EVL: variants seen among roughly 807,000 people sequenced by gnomAD.
The protein encoded by EVL is ena/VASP-like protein.
In EVL, 21 loss-of-function variants were observed where a neutral mutation model predicts 59.6. The ratio of observed to expected loss-of-function variants is 0.35; its 90% CI spans 0.25 to 0.51. The LOEUF (loss-of-function observed/expected upper bound fraction) is 0.51. Among genes scored for constraint, EVL ranks in the 20% least tolerant of loss-of-function variants. The pLI is 0.97. For missense variants in EVL, 462 were observed against 546.6 expected, an observed-to-expected ratio of 0.85 and a Z score of 1.54; for synonymous variants, 198 against 203.5, an observed-to-expected ratio of 0.97 and a Z score of 0.23.
Position 100,127,382 on chromosome 14 carries a change from A to C in EVL, c.487+611A>C, listed in dbSNP as rs1888141369. On this transcript the variant is annotated intron_variant, in intron 5 of 13. Transcript: ENST00000392920. The surrounding 1 kb of genome is among the most constrained non-coding windows in gnomAD (Gnocchi z 4.2). ...TTTAATTTTCTCAAACACCCTATGAAGTGAGCAGGTGACTATTATCCTGTT... is the reference window on the plus strand; with the variant it reads ...TTTAATTTTCTCAAACACCCTATGACGTGAGCAGGTGACTATTATCCTGTT... Among the ~76,000 whole-genome samples the C allele has an allele frequency of 6.6e-6, 1 of 152,188 alleles. No individual in the cohort carries two copies.
At position 100,130,234 on chromosome 14, in the gene EVL, G is replaced by T. The variant is rs756867302; in HGVS notation, c.839+550G>T. Among the ~76,000 whole-genome samples, 1 of 152,116 alleles carries T rather than the reference G, an allele frequency of 6.6e-6. No individual in the cohort carries two copies. Among genetic ancestry groups the T allele is most frequent in the Non-Finnish European group, 1.5e-5 (1 of 68,042 alleles). On this transcript the variant is annotated intron_variant, in intron 7 of 13. Coordinates refer to ENST00000392920, the MANE Select transcript of EVL (RefSeq NM_016337.3). This position sits in a 1 kb window ranked among gnomAD's most constrained non-coding sequence, Gnocchi z 4.8. ...GCTCTTGGGCCTGAGACCTGGCCAT[G>T]TGTGTCTGCTCGCTGCAGCGGGTGT...
chr14:99,988,844 A>G (rs567176794), intron 1 of EVL, among the ~76,000 whole-genome samples: 2 of 152,328 alleles, frequency 1.3e-5, no homozygotes, highest in African/African-American at 4.8e-5. Context: ...CATTTACATG[A>G]AATGTCCAGA....
At chr14:100,120,482 G>T (rs570144334) in intron 3 of EVL, among the ~76,000 whole-genome samples, 2 of 152,324 alleles carry the variant, frequency 1.3e-5, no homozygotes, top group Admixed American at 6.5e-5. Context: ...TAAGAGAGGC[G>T]CATGGGCACC....
Position 100,105,869 on chromosome 14 carries a change from C to T in EVL, c.358+8211C>T, listed in dbSNP as rs563558383. 4.6e-5 allele frequency among the ~76,000 whole-genome samples: 7 copies of T among 152,302 alleles called. No individual in the cohort carries two copies. The East Asian group carries it at 1.2e-3, about 25-fold the overall frequency. On this transcript the variant is annotated intron_variant, in intron 3 of 13. Coordinates refer to ENST00000392920, the MANE Select transcript of EVL (RefSeq NM_016337.3). Reference sequence around the variant, plus strand: ...CCAACTGAATAGGGAACATGCCTCCCCTGCCACAGTGTCTGAAACTCTGCA... The same window carrying T: ...CCAACTGAATAGGGAACATGCCTCCTCTGCCACAGTGTCTGAAACTCTGCA...
In EVL at chr14:100,082,078, C is replaced by T. The variant is rs566641160; in HGVS notation, c.12-2609C>T. On this transcript the variant is annotated intron_variant, in intron 1 of 13. Transcript: ENST00000392920. ...GGCGGAGGTTGCAGTGAGCCAAGAT[C>T]GCGCCACTGAGCTCCAGCCTGGGCA... Among the ~76,000 whole-genome samples, 3 of 152,218 alleles carry T rather than the reference C, an allele frequency of 2.0e-5. No homozygotes were observed. The South Asian group carries it at 6.2e-4, about 32-fold the overall frequency.
chr14:100,108,929 A>G lies in EVL; in HGVS notation c.358+11271A>G, dbSNP rs1396313651. 2.6e-5 allele frequency among the ~76,000 whole-genome samples: 4 copies of G among 152,106 alleles called. No individual in the cohort carries two copies. The East Asian group carries it at 5.8e-4, about 22-fold the overall frequency. On this transcript the variant is annotated intron_variant, in intron 3 of 13. Coordinates refer to ENST00000392920, the MANE Select transcript of EVL (RefSeq NM_016337.3). The surrounding 1 kb of genome is among the most constrained non-coding windows in gnomAD (Gnocchi z 4.1). ...GTCTCTGGACCCCAAAAACCCACAC[A>G]TCGTCTGCCTTATAAGCTCTCAGTA...
rs781322847 is a variant in EVL at position 100,137,895 on chromosome 14, G to C, written c.1094+93G>C. On this transcript the variant is annotated intron_variant, in intron 11 of 13. Coordinates refer to ENST00000392920, the MANE Select transcript of EVL (RefSeq NM_016337.3). ...CTAACACCCTTGCACGCTGTCTCAC[G>C]TCCTGGCATTTAACAACTTGCTCTG... The C allele has an allele frequency of 2.3e-6, 3 of 1,290,634 alleles. No homozygotes were observed. The African/African-American group carries it at 4.4e-5, about 19-fold the overall frequency. 79.9% of individuals were successfully genotyped at this position (1,290,634 alleles called of 1,614,324 possible).
rs200422329 is a variant in EVL at position 100,138,043 on chromosome 14, CA to C, written c.1094+242del. The stretch of plus-strand genomic sequence containing the variant: ...CAGTGACCTGTCCACAGAGGTAGTG[CA>C]GGGGGGGGCCAACATGGAGTCCCAG... On this transcript the variant is annotated intron_variant, in intron 11 of 13. Coordinates refer to ENST00000392920, the MANE Select transcript of EVL (RefSeq NM_016337.3). The C allele has an allele frequency of 2.6e-3, 1,523 of 577,272 alleles. 6 individuals are homozygous for C. Among genetic ancestry groups the C allele is most frequent in the Non-Finnish European group, 3.8e-3 (1,252 of 325,328 alleles). 35.8% of individuals were successfully genotyped at this position (577,272 alleles called of 1,614,324 possible).
chr14:100,048,086 G>A (rs950710737), intron 1 of EVL, among the ~76,000 whole-genome samples: 4 of 152,080 alleles, frequency 2.6e-5, no homozygotes, highest in Admixed American at 6.5e-5. Context: ...ACATGACAGC[G>A]AAAGCACCAT....
At chr14:100,005,917 G>T (rs1001797377) in intron 1 of EVL, among the ~76,000 whole-genome samples, 1 of 151,770 alleles carries the variant, frequency 6.6e-6, no homozygotes, top group Non-Finnish European at 1.5e-5. Flanking sequence ...TTTTGGTTTG[G>T]CATGGCTAGC....
chr14:99,973,588 G>C (rs56269320), intron 1 of EVL, among the ~76,000 whole-genome samples: 1 of 152,060 alleles, frequency 6.6e-6, no homozygotes, highest in African/African-American at 2.4e-5. Context: ...TCAGCTTCCC[G>C]AGTAGCTGGG....
chr14:100,089,093 C>T (rs774141146), intron 2 of EVL, among the ~76,000 whole-genome samples: 4 of 152,138 alleles, frequency 2.6e-5, no homozygotes, highest in Non-Finnish European at 4.4e-5. Flanking sequence ...AAAAAGAAGT[C>T]ATAGCATCCC....
upstream of EVL, among the ~76,000 whole-genome samples, chr14:100,062,485 A>G (rs1270367437): frequency 6.6e-6 from 1 of 152,168 alleles, no homozygotes; most frequent in Non-Finnish European, 1.5e-5. Context: ...TGGAATTCTG[A>G]AAAGTATTTA....
At chr14:100,009,797 C>G (rs569936135) in intron 1 of EVL, among the ~76,000 whole-genome samples, 229 of 152,266 alleles carry the variant, frequency 1.5e-3, no homozygotes, top group Middle Eastern at 6.8e-3. Flanking sequence ...AGACATCAAT[C>G]AAATACATTT....
intron 1 of EVL, among the ~76,000 whole-genome samples, chr14:100,080,956 T>G (rs1392881671): frequency 6.6e-6 from 1 of 152,218 alleles, no homozygotes; most frequent in East Asian, 1.9e-4. Context: ...AATAAATAAT[T>G]TAAGAAAATA....
chr14:99,988,123 T>G (rs2060851329), intron 1 of EVL, among the ~76,000 whole-genome samples: 1 of 151,614 alleles, frequency 6.6e-6, no homozygotes. Flanking sequence ...TCCATGTTGG[T>G]CAGGCTAGTC....
At chr14:100,005,671 C>A (rs957412718) in intron 1 of EVL, among the ~76,000 whole-genome samples, 4 of 140,232 alleles carry the variant, frequency 2.9e-5, no homozygotes, top group African/African-American at 5.3e-5. Flanking sequence ...ACACACACAC[C>A]CCTTGGATGT....
chr14:100,102,849 C>G (rs1312169424), intron 3 of EVL, among the ~76,000 whole-genome samples: 2 of 152,128 alleles, frequency 1.3e-5, no homozygotes, highest in African/African-American at 4.8e-5. Flanking sequence ...TGTAATCCCA[C>G]CACTTTGTGA....
intron 1 of EVL, among the ~76,000 whole-genome samples, chr14:100,002,610 C>T (rs934549175): frequency 2.0e-5 from 3 of 152,076 alleles, no homozygotes; most frequent in African/African-American, 7.2e-5. Context: ...CCAAATAAGC[C>T]AAATATGCCA....
Sources: allele counts gnomAD v4.1 joint callset (sites outside exome capture counted in the v4.1 genomes callset), GRCh38; gene constraint gnomAD v4.1.1; non-coding constraint Gnocchi (gnomAD v3.1); transcripts MANE v1.5; gene names NCBI Gene and HGNC (gene_info 2026-07-23, HGNC 2026-07-21).